IL1RAPL2: variants seen among roughly 807,000 people sequenced by gnomAD.
The protein encoded by IL1RAPL2 is interleukin 1 receptor accessory protein like 2, also known as X-linked interleukin-1 receptor accessory protein-like 2.
In IL1RAPL2, 3 loss-of-function variants were observed where a neutral mutation model predicts 44.1. The observed-to-expected ratio is 0.07, with a 90% CI of 0.03 to 0.18. The LOEUF (loss-of-function observed/expected upper bound fraction) is 0.18. IL1RAPL2 is among the 10% of genes least tolerant of loss of function. The pLI, the probability that IL1RAPL2 is intolerant of heterozygous loss-of-function variation, is 1.00. For missense variants in IL1RAPL2, 391 were observed against 496.4 expected (o/e 0.79, Z 2.02); for synonymous variants, 181 against 178.8 (o/e 1.01, Z -0.10).
chrX:105,385,648 T>C (rs1342745067), intron 5 of IL1RAPL2, among the ~76,000 whole-genome samples: 1 of 111,457 alleles, frequency 9.0e-6, no homozygotes, highest in Non-Finnish European at 1.9e-5. Flanking sequence ...AATCTCAGAT[T>C]TGAATGACAA....
At chrX:105,439,027 G>A (rs956092601) in intron 5 of IL1RAPL2, among the ~76,000 whole-genome samples, 3 of 110,708 alleles carry the variant, frequency 2.7e-5, no homozygotes, top group Non-Finnish European at 3.8e-5. Context: ...AGTTTCCCTG[G>A]CACTCCCTCT....
At chrX:104,868,177 C>CTAT (rs1922668332) in intron 2 of IL1RAPL2, among the ~76,000 whole-genome samples, 1 of 111,921 alleles carries the variant, frequency 8.9e-6, no homozygotes, top group Non-Finnish European at 1.9e-5. Context: ...TAAGTTCCTC[C>CTAT]TATTGCCTCT....
chrX:104,768,950 T>C (rs886232171), intron 2 of IL1RAPL2, among the ~76,000 whole-genome samples: 6 of 111,174 alleles, frequency 5.4e-5, no homozygotes, highest in Non-Finnish European at 9.4e-5. Context: ...TACTGTGGTA[T>C]AGTAGAAAAA....
intron 2 of IL1RAPL2, among the ~76,000 whole-genome samples, chrX:105,076,840 G>A (rs2032313041): frequency 9.0e-6 from 1 of 110,942 alleles, no homozygotes; most frequent in Admixed American, 9.6e-5. Flanking sequence ...TTTAAAGTCT[G>A]TTTTATCCGA....
intron 2 of IL1RAPL2, among the ~76,000 whole-genome samples, chrX:104,948,284 C>G (rs2147707862): frequency 9.1e-6 from 1 of 109,561 alleles, no homozygotes; most frequent in East Asian, 2.9e-4. Context: ...TGAGACTTTG[C>G]TGAATTTGCT....
intron 5 of IL1RAPL2, among the ~76,000 whole-genome samples, chrX:105,474,530 T>C (rs949115061): frequency 8.9e-5 from 10 of 112,207 alleles, no homozygotes; most frequent in Admixed American, 2.8e-4. Flanking sequence ...CCTTTTGATC[T>C]GACTCTGTGT....
At chrX:104,716,575 G>T (rs914861770) in intron 2 of IL1RAPL2, among the ~76,000 whole-genome samples, 1 of 110,176 alleles carries the variant, frequency 9.1e-6, no homozygotes. Flanking sequence ...AAATCAACAA[G>T]CAAAACACAA....
At chrX:105,717,338 T>C (rs1189001984) in intron 6 of IL1RAPL2, 29 bp from the exon 7 acceptor site, 28 of 1,156,739 alleles carry the variant, frequency 2.4e-5, no homozygotes, top group Non-Finnish European at 3.2e-5. Flanking sequence ...CAGGAGTCAT[T>C]TGCTCATTTC....
At chrX:105,722,761 A>G (rs932364421) in intron 7 of IL1RAPL2, among the ~76,000 whole-genome samples, 1 of 111,516 alleles carries the variant, frequency 9.0e-6, no homozygotes, top group Non-Finnish European at 1.9e-5. Flanking sequence ...TAAACAACAG[A>G]AATGTATTAG....
At chrX:104,615,254 A>G (rs1929245715) in intron 1 of IL1RAPL2, among the ~76,000 whole-genome samples, 1 of 111,644 alleles carries the variant, frequency 9.0e-6, no homozygotes, top group Non-Finnish European at 1.9e-5. Context: ...AGGTACATGT[A>G]CAGGATGTGT....
At chrX:105,551,157 A>G (rs751591981) in intron 6 of IL1RAPL2, among the ~76,000 whole-genome samples, 7 of 110,309 alleles carry the variant, frequency 6.3e-5, no homozygotes, top group African/African-American at 2.3e-4. Context: ...GTAGTTTTAA[A>G]GGGCAGCGGA....
chrX:105,694,774 A>G (rs750871043), intron 6 of IL1RAPL2, among the ~76,000 whole-genome samples: 1 of 111,835 alleles, frequency 8.9e-6, no homozygotes, highest in South Asian at 3.8e-4. Context: ...GTCAGCTAAT[A>G]TAGAAAAATC....
At chrX:105,313,040 T>A (rs951071692) in intron 5 of IL1RAPL2, among the ~76,000 whole-genome samples, 2 of 111,690 alleles carry the variant, frequency 1.8e-5, no homozygotes, top group Admixed American at 1.9e-4. Context: ...TACTCAACTT[T>A]GAAATTTGTG....
intron 2 of IL1RAPL2, among the ~76,000 whole-genome samples, chrX:105,032,006 A>T (rs2031509878): frequency 9.0e-6 from 1 of 110,928 alleles, no homozygotes; most frequent in Admixed American, 9.6e-5. Flanking sequence ...TTTCTAGTTT[A>T]TTTGCGTAGA....
chrX:105,557,812 GA>G (rs920865973), intron 6 of IL1RAPL2, among the ~76,000 whole-genome samples: 6 of 110,778 alleles, frequency 5.4e-5, no homozygotes, highest in Admixed American at 9.6e-5. Flanking sequence ...CATGACAGTA[GA>G]AAAAAAATGT....
intron 6 of IL1RAPL2, among the ~76,000 whole-genome samples, chrX:105,566,008 C>G (rs903240564): frequency 9.0e-6 from 1 of 110,979 alleles, no homozygotes; most frequent in Non-Finnish European, 1.9e-5. Flanking sequence ...CAGAGAGTTG[C>G]CGTCCTAACT....
At chrX:104,597,851 C>T (rs1928796426) in intron 1 of IL1RAPL2, among the ~76,000 whole-genome samples, 1 of 111,828 alleles carries the variant, frequency 8.9e-6, no homozygotes, top group Admixed American at 9.5e-5. Flanking sequence ...TTTGGATAAG[C>T]TGAGTTTTAA....
Position 105,436,535 on chromosome X carries a change from TTCTC to T in IL1RAPL2, c.698-47775_698-47772del, listed in dbSNP as rs777574538. Among the ~76,000 whole-genome samples, 530 of 111,636 alleles carry T rather than the reference TTCTC, an allele frequency of 4.7e-3. 1 individual carries two copies. Among genetic ancestry groups the T allele is most frequent in the Non-Finnish European group, 7.1e-3 (375 of 53,123 alleles). ...CTATGTATTGTCTTTCCTCAGTTCT[TTCTC>T]TCAGTTTTCAGGATATGATTTAATA... is the stretch of plus-strand genomic sequence containing the variant. On this transcript the variant is annotated intron_variant, in intron 5 of 10. Coordinates refer to ENST00000372582, the MANE Select transcript of IL1RAPL2 (RefSeq NM_017416.2).
intron 5 of IL1RAPL2, among the ~76,000 whole-genome samples, chrX:105,346,479 C>T (rs1349086901): frequency 8.9e-6 from 1 of 112,303 alleles, no homozygotes; most frequent in East Asian, 2.8e-4. Context: ...GCTCCAGAAT[C>T]TATCAGAAAA....
Sources: gnomAD v4.1 joint callset for allele counts (sites outside exome capture counted in the v4.1 genomes callset) on GRCh38, gnomAD v4.1.1 for gene constraint, MANE v1.5 for transcripts, NCBI Gene and HGNC (gene_info 2026-07-23, HGNC 2026-07-21) for gene names.